The following PCNX1 variants were observed in gnomAD, a reference collection of about 807,000 sequenced individuals.
The protein encoded by PCNX1 is pecanex 1, also known as pecanex-like protein 1.
In PCNX1, 78 loss-of-function variants were observed where a neutral mutation model predicts 242.2. The ratio of observed to expected loss-of-function variants is 0.32; its 90% CI spans 0.27 to 0.39. The LOEUF is 0.39. Among genes scored for constraint, PCNX1 ranks in the 10% least tolerant of loss-of-function variants. PCNX1 has a pLI of 1.00. For synonymous variants in PCNX1, 1,024 were observed against 1,032.9 expected (o/e 0.99, Z 0.17); for missense variants, 2,581 against 2,856.5 (o/e 0.90, Z 2.20).
At chr14:71,095,335 T>C (rs1169396360) in intron 30 of PCNX1, among the ~76,000 whole-genome samples, 1 of 152,212 alleles carries the variant, frequency 6.6e-6, no homozygotes, top group African/African-American at 2.4e-5. Context: ...TTTGGTACAG[T>C]GGACTGTAAA....
chr14:71,079,557 T>C (rs1325544474), intron 28 of PCNX1, among the ~76,000 whole-genome samples: 2 of 152,238 alleles, frequency 1.3e-5, no homozygotes, highest in Non-Finnish European at 2.9e-5. Context: ...TCCTGACTTT[T>C]TAATGATCGC....
At position 71,019,170 on chromosome 14, in the gene PCNX1, C is replaced by T. The variant is rs2060031830; in HGVS notation, c.3150+8C>T. 1 of 1,592,182 alleles carries T rather than the reference C, an allele frequency of 6.3e-7. No individual in the cohort carries two copies. The stretch of plus-strand genomic sequence containing the variant: ...CAATACTCACTGCTTAAGGTACCAG[C>T]ATCTCTTCTTTTCATGCTACGGAAT... On this transcript the variant is annotated splice_region_variant and intron_variant, in intron 12 of 35. Transcript: ENST00000304743.
At chr14:71,059,165 A>G (rs1276452115) in intron 26 of PCNX1, among the ~76,000 whole-genome samples, 1 of 152,198 alleles carries the variant, frequency 6.6e-6, no homozygotes, top group African/African-American at 2.4e-5. Flanking sequence ...TGCTCACTCC[A>G]TCATATTGAT....
At chr14:70,919,567 T>C (rs1168324077) in intron 1 of PCNX1, among the ~76,000 whole-genome samples, 1 of 152,090 alleles carries the variant, frequency 6.6e-6, no homozygotes, top group Admixed American at 6.6e-5. Context: ...AAGAGAAGAT[T>C]ACAACAAACG....
At position 71,054,357 on chromosome 14, in the gene PCNX1, G is replaced by C. The variant is rs765639681; in HGVS notation, c.4578-1147G>C. 1.5e-3 allele frequency among the ~76,000 whole-genome samples: 227 copies of C among 152,272 alleles called. 1 individual carries two copies. The highest frequency in any genetic ancestry group is 2.4e-3 in the Non-Finnish European group (160 of 68,024). ...GAGTAATGTAGATTTTCTAAATGTTGATACATTTTATTATGTAGTGAATTT... is the reference window on the plus strand; with the variant it reads ...GAGTAATGTAGATTTTCTAAATGTTCATACATTTTATTATGTAGTGAATTT... On this transcript the variant is annotated intron_variant, in intron 24 of 35. Transcript: ENST00000304743.
At chr14:71,007,483 T>G (rs2059699643) in intron 8 of PCNX1, among the ~76,000 whole-genome samples, 1 of 152,136 alleles carries the variant, frequency 6.6e-6, no homozygotes, top group South Asian at 2.1e-4. Context: ...CAGAATTAAC[T>G]TATTTCTAAA....
chr14:71,046,467 TC>T (rs1381773567), intron 20 of PCNX1, among the ~76,000 whole-genome samples: 1 of 152,066 alleles, frequency 6.6e-6, no homozygotes, highest in Non-Finnish European at 1.5e-5. Context: ...TTAGAGAACT[TC>T]CTAAAGCCAG....
At chr14:70,991,865 T>A (rs1251638733) in intron 7 of PCNX1, among the ~76,000 whole-genome samples, 1 of 152,200 alleles carries the variant, frequency 6.6e-6, no homozygotes, top group African/African-American at 2.4e-5. Context: ...ACACTTTCAT[T>A]ACAAGTGCTA....
Position 71,059,993 on chromosome 14 carries a change from G to A in PCNX1, c.4852+2269G>A, listed in dbSNP as rs368652162. On this transcript the variant is annotated intron_variant, in intron 26 of 35. Coordinates refer to ENST00000304743, the MANE Select transcript of PCNX1 (RefSeq NM_014982.3). ...TTCTCCCCTAATCCTCCATCTGGCTGATTCCTTTGCCTGAATGTCCCTTTC... is the reference window on the plus strand; with the variant it reads ...TTCTCCCCTAATCCTCCATCTGGCTAATTCCTTTGCCTGAATGTCCCTTTC... 3.6e-3 allele frequency among the ~76,000 whole-genome samples: 553 copies of A among 152,254 alleles called. 1 individual carries two copies. The highest frequency in any genetic ancestry group is 0.013 in the African/African-American group (533 of 41,548).
Position 70,907,830 on chromosome 14 carries a change from CGGCGGCGGCGCCGGGTGGGGAT to C in PCNX1, c.-18_4del. ...GGGACGGCGGCGGCGGCGGCGGCGA[CGGCGGCGGCGCCGGGTGGGGAT>C]GGGGTCGCAGACGCTGCAGATCCTC... On this transcript the variant is annotated start_lost and 5_prime_UTR_variant, in exon 1 of 36. Transcript: ENST00000304743. 3 of 1,261,588 alleles carry C rather than the reference CGGCGGCGGCGCCGGGTGGGGAT, an allele frequency of 2.4e-6. No homozygotes were observed. The highest frequency in any genetic ancestry group is 3.4e-5 in the South Asian group (1 of 29,792). 78.1% of individuals were successfully genotyped at this position (1,261,588 alleles called of 1,614,324 possible). A position where few individuals can be genotyped will look rare whatever the true frequency, so the allele number is the denominator to read the frequency against.
chr14:70,987,531 G>A (rs1250070857), intron 6 of PCNX1, among the ~76,000 whole-genome samples: 4 of 152,082 alleles, frequency 2.6e-5, no homozygotes, highest in African/African-American at 9.7e-5. Context: ...TTTAAAGGAA[G>A]TTTCATGTTT....
chr14:70,911,343 G>A (rs1336921778), intron 1 of PCNX1, among the ~76,000 whole-genome samples: 1 of 83,024 alleles, frequency 1.2e-5, no homozygotes, highest in Non-Finnish European at 2.8e-5. Context: ...ACAGTCTTAG[G>A]ACTTTATAGG....
chr14:70,944,866 T>G (rs1352188757), intron 1 of PCNX1, among the ~76,000 whole-genome samples: 1 of 152,228 alleles, frequency 6.6e-6, no homozygotes, highest in Non-Finnish European at 1.5e-5. Context: ...TCGCTTGGTA[T>G]TCATTTCTCT....
intron 4 of PCNX1, 75 bp downstream of exon 4, chr14:70,968,318 T>C: frequency 2.5e-6 from 2 of 788,692 alleles, no homozygotes; most frequent in Non-Finnish European, 4.2e-6. Context: ...AACAGTACTG[T>C]ACATTCAAAT....
intron 7 of PCNX1, among the ~76,000 whole-genome samples, chr14:70,994,396 GATATATAT>G (rs35068772): frequency 0.2 from 19,129 of 96,876 alleles, 2,263 homozygotes; most frequent in Middle Eastern, 0.34. Flanking sequence ...ACAGGCTTAA[GATATATAT>G]ATATATATAT....
intron 19 of PCNX1, among the ~76,000 whole-genome samples, chr14:71,041,033 A>G (rs1442528914): frequency 5.3e-5 from 8 of 152,124 alleles, no homozygotes; most frequent in East Asian, 1.9e-4. Context: ...ATAGTACTCT[A>G]TTGTGTATAT....
chr14:71,009,286 C>A (rs1057274031), intron 8 of PCNX1, among the ~76,000 whole-genome samples: 2 of 152,128 alleles, frequency 1.3e-5, no homozygotes, highest in African/African-American at 2.4e-5. Context: ...GTACTCACCC[C>A]CTGCAAGTAG....
chr14:71,101,917 T>TA (rs2062472891), intron 30 of PCNX1, 73 bp from the exon 31 acceptor site: 1 of 771,914 alleles, frequency 1.3e-6, no homozygotes, highest in East Asian at 2.8e-5. Context: ...TTAAGAACTT[T>TA]CACTTAGTAA....
At chr14:71,055,694 T>C in intron 25 of PCNX1, 132 bp downstream of exon 25, 1 of 540,354 alleles carries the variant, frequency 1.9e-6, no homozygotes, top group Non-Finnish European at 3.3e-6. Flanking sequence ...CTAAATATTA[T>C]TTGTTTTACT....
Sources: gnomAD v4.1 joint callset for allele counts (sites outside exome capture counted in the v4.1 genomes callset) on GRCh38, gnomAD v4.1.1 for gene constraint, MANE v1.5 for transcripts, NCBI Gene and HGNC (gene_info 2026-07-23, HGNC 2026-07-21) for gene names.